APOLD1: variants seen among roughly 807,000 people sequenced by gnomAD.
APOLD1 encodes the protein apolipoprotein L domain containing 1.
APOLD1 carries 22 observed loss-of-function variants against 15.3 expected under a neutral mutation model. The observed-to-expected ratio is 1.44, with a 90% confidence interval of 1.03 to 2.05. The LOEUF (loss-of-function observed/expected upper bound fraction) is 2.05. Ranked by LOEUF, APOLD1 falls within the 30% of genes most tolerant of loss-of-function variation. The probability of loss-of-function intolerance (pLI) is 0.00; values close to 1 mark genes in which losing one functional copy is unlikely to be tolerated. For synonymous variants in APOLD1, 190 were observed against 167.4 expected (o/e 1.13, Z -1.04); for missense variants, 394 against 353.5 (o/e 1.11, Z -0.92).
At chr12:12,766,982 A>G (rs1946947220) in intron 1 of APOLD1, among the ~76,000 whole-genome samples, 3 of 152,076 alleles carry the variant, frequency 2.0e-5, no homozygotes. Flanking sequence ...GCAGTGGCTC[A>G]TGCCTGTAAT....
At chr12:12,786,564 T>C (rs962077184) in intron 1 of APOLD1, 7 of 718,350 alleles carry the variant, frequency 9.7e-6, no homozygotes, top group Non-Finnish European at 1.2e-5. Flanking sequence ...GCCTCAGTAC[T>C]GGAGAAGCCT....
At chr12:12,747,228 C>T (rs1266582409) in intron 1 of APOLD1, among the ~76,000 whole-genome samples, 6 of 152,138 alleles carry the variant, frequency 3.9e-5, no homozygotes, top group African/African-American at 1.4e-4. Flanking sequence ...CCTCCCACAT[C>T]GGCCTCCTAA....
At chr12:12,746,457 C>T (rs887501551) in intron 1 of APOLD1, among the ~76,000 whole-genome samples, 1 of 152,144 alleles carries the variant, frequency 6.6e-6, no homozygotes, top group Admixed American at 6.5e-5. Context: ...GATCGCACCA[C>T]TGCACTCCAG....
intron 1 of APOLD1, among the ~76,000 whole-genome samples, chr12:12,772,481 T>C (rs1421539624): frequency 2.0e-5 from 3 of 152,196 alleles, no homozygotes; most frequent in Non-Finnish European, 4.4e-5. Flanking sequence ...TGTCAAAATT[T>C]GTGAAGCAAA....
intron 1 of APOLD1, among the ~76,000 whole-genome samples, chr12:12,768,815 C>CT (rs1165060525): frequency 0.047 from 6,846 of 144,228 alleles, 318 homozygotes; most frequent in African/African-American, 0.13. Flanking sequence ...AGGTAGTTTA[C>CT]TTTTTTTTTT....
At chr12:12,757,659 G>A (rs1946866285) in intron 1 of APOLD1, among the ~76,000 whole-genome samples, 1 of 149,186 alleles carries the variant, frequency 6.7e-6, no homozygotes, top group Non-Finnish European at 1.5e-5. Flanking sequence ...CCGCTTTCTT[G>A]CCTTTTTTTT....
intron 1 of APOLD1, among the ~76,000 whole-genome samples, chr12:12,730,026 TTGTG>T (rs749843349): frequency 0.061 from 7,105 of 117,138 alleles, 191 homozygotes; most frequent in African/African-American, 0.078. Context: ...CCAGCTAACT[TTGTG>T]TGTGTGTGTG....
chr12:12,760,430 G>A lies in APOLD1; in HGVS notation c.97-26479G>A, dbSNP rs575443938. On this transcript the variant is annotated intron_variant, in intron 1 of 1. Transcript: ENST00000326765. ...AAGTGGGCAGATCACCTGAGGGCAG[G>A]AGTTCGAGACCAGCCTGCCCAACAT... is the stretch of plus-strand genomic sequence containing the variant. Among the ~76,000 whole-genome samples, 6 of 152,220 alleles carry A rather than the reference G, an allele frequency of 3.9e-5. No homozygotes were observed. The East Asian group carries it at 9.6e-4, about 24-fold the overall frequency.
chr12:12,780,384 G>A (rs1592308798), intron 1 of APOLD1, among the ~76,000 whole-genome samples: 1 of 151,646 alleles, frequency 6.6e-6, no homozygotes, highest in East Asian at 1.9e-4. Context: ...CCAAGTAGCT[G>A]GGACTACAGG....
intron 1 of APOLD1, among the ~76,000 whole-genome samples, chr12:12,764,156 T>A (rs900432062): frequency 2.6e-5 from 4 of 152,118 alleles, no homozygotes; most frequent in African/African-American, 7.2e-5. Flanking sequence ...AGTGACAGGG[T>A]TTCGCCATGT....
chr12:12,734,706 G>T (rs1270693291), intron 1 of APOLD1, among the ~76,000 whole-genome samples: 1 of 152,180 alleles, frequency 6.6e-6, no homozygotes, highest in African/African-American at 2.4e-5. Context: ...TTATAATAGC[G>T]TAGGCTGAAC....
At chr12:12,751,001 CTGT>C (rs1268046541) in intron 1 of APOLD1, among the ~76,000 whole-genome samples, 1 of 151,286 alleles carries the variant, frequency 6.6e-6, no homozygotes, top group Non-Finnish European at 1.5e-5. Flanking sequence ...GTTGCCCCAG[CTGT>C]TGTTGAACTC....
chr12:12,735,775 C>CAATAAATAAATAAATA (rs58759446), intron 1 of APOLD1, among the ~76,000 whole-genome samples: 283 of 150,558 alleles, frequency 1.9e-3, no homozygotes, highest in African/African-American at 6.3e-3. Context: ...CTCATTTCTA[C>CAATAAATAAATAAATA]AATAAATAAA....
At chr12:12,738,709 G>T (rs1197642835) in intron 1 of APOLD1, among the ~76,000 whole-genome samples, 1 of 152,150 alleles carries the variant, frequency 6.6e-6, no homozygotes, top group East Asian at 1.9e-4. Context: ...TATGAAGTAT[G>T]CTGGACTGTG....
intron 1 of APOLD1, among the ~76,000 whole-genome samples, chr12:12,763,049 T>A (rs1432465369): frequency 6.6e-6 from 1 of 152,040 alleles, no homozygotes; most frequent in East Asian, 1.9e-4. Context: ...GGAGGATTGC[T>A]TGAGCCTGAG....
intron 1 of APOLD1, among the ~76,000 whole-genome samples, chr12:12,772,393 A>G (rs898834782): frequency 1.3e-5 from 2 of 151,406 alleles, no homozygotes; most frequent in Non-Finnish European, 2.9e-5. Context: ...AAAGAGGGAC[A>G]TTACATAGTG....
intron 1 of APOLD1, among the ~76,000 whole-genome samples, chr12:12,741,946 G>T (rs994041117): frequency 1.3e-5 from 2 of 152,150 alleles, no homozygotes; most frequent in African/African-American, 4.8e-5. Context: ...CAGGAAGAAG[G>T]CCAGCAGGCT....
chr12:12,762,205 A>G (rs112592443), intron 1 of APOLD1, among the ~76,000 whole-genome samples: 1 of 152,072 alleles, frequency 6.6e-6, no homozygotes, highest in Admixed American at 6.6e-5. Context: ...AGGGCATAGC[A>G]CAGTAGGAGC....
chr12:12,787,180 T>TG lies in APOLD1; in HGVS notation c.280dup (p.Val94GlyfsTer98). 1 of 1,540,046 alleles carries TG rather than the reference T, an allele frequency of 6.5e-7. No homozygotes were observed. The highest frequency in any genetic ancestry group is 8.7e-7 in the Non-Finnish European group (1 of 1,152,702). Reference sequence around the variant, plus strand: ...TCGCTGCTGGTGTCGGCCGTGGGGCTGGGGGTGGCCACAGCCGGAGGGGCC... The same window carrying TG: ...TCGCTGCTGGTGTCGGCCGTGGGGCTGGGGGGTGGCCACAGCCGGAGGGGCC... On this transcript the variant is annotated frameshift_variant, in exon 2 of 2. Transcript: ENST00000356591. LOFTEE classifies it high-confidence loss of function. This position sits in a 1 kb window ranked among gnomAD's most constrained non-coding sequence, Gnocchi z 4.9.
Sources: allele counts gnomAD v4.1 joint callset (sites outside exome capture counted in the v4.1 genomes callset), GRCh38; gene constraint gnomAD v4.1.1; non-coding constraint Gnocchi (gnomAD v3.1); transcripts MANE v1.5; gene names NCBI Gene and HGNC (gene_info 2026-07-23, HGNC 2026-07-21).